Variants in LIN7A observed in about 807,000 individuals in gnomAD.
LIN7A encodes the protein protein lin-7 homolog A.
Under a neutral mutation model 29.8 loss-of-function variants are expected in LIN7A, and 25 were observed. That is an observed-to-expected ratio of 0.84 (90% CI 0.61 to 1.17). LIN7A has a LOEUF of 1.17. LIN7A is among the 50% of genes most tolerant of loss of function. The pLI is 0.00. For missense variants in LIN7A, 239 were observed against 287.0 expected (o/e 0.83, Z 1.21); for synonymous variants, 118 against 107.5 (o/e 1.10, Z -0.60).
chr12:80,886,675 G>A (rs758329815), intron 2 of LIN7A, among the ~76,000 whole-genome samples: 23 of 151,946 alleles, frequency 1.5e-4, no homozygotes, highest in Non-Finnish European at 2.9e-4. Context: ...AAAAATGTAA[G>A]GTAGATAAAT....
rs771827475 is a variant in LIN7A, at chr12:80,811,531, C to G, written c.636G>C (p.Gln212His). Residue 212 changes from glutamine to histidine, a missense_variant, in exon 5 of 6, where the codon CAG (glutamine) becomes CAC (histidine). Coordinates refer to ENST00000552864, the MANE Select transcript of LIN7A (RefSeq NM_004664.4). ...GTTGCTGCTGCTGAATTAGCAATTG[C>G]TGCTGCTGCCGACGCCTGGCTGTTC... is the stretch of plus-strand genomic sequence containing the variant. The part of the protein sequence containing the change: ...KLRTARRRQQ[Q>H]QLLIQQQQQQ... 6.2e-6 allele frequency: 10 copies of G among 1,611,072 alleles called. No individual in the cohort carries two copies. The African/African-American group carries it at 1.2e-4, about 19-fold the overall frequency.
intron 4 of LIN7A, among the ~76,000 whole-genome samples, chr12:80,839,856 C>T (rs1234733117): frequency 4.6e-5 from 7 of 152,208 alleles, no homozygotes; most frequent in Non-Finnish European, 5.9e-5. Flanking sequence ...AACTTTTATT[C>T]ACTCATCTGT....
chr12:80,856,189 C>T (rs182954528), intron 2 of LIN7A, among the ~76,000 whole-genome samples: 63 of 152,204 alleles, frequency 4.1e-4, no homozygotes, highest in Admixed American at 2.9e-3. Context: ...TCAAATCGAC[C>T]CAGTGAAAAT....
chr12:80,886,869 C>A (rs1336020072), intron 2 of LIN7A, among the ~76,000 whole-genome samples: 1 of 152,018 alleles, frequency 6.6e-6, no homozygotes, highest in East Asian at 1.9e-4. Flanking sequence ...TTTTCCTTAG[C>A]AAATTCTAAA....
At chr12:80,800,191 T>C (rs1870646814) in intron 5 of LIN7A, among the ~76,000 whole-genome samples, 1 of 151,920 alleles carries the variant, frequency 6.6e-6, no homozygotes, top group African/African-American at 2.4e-5. Context: ...GGACAATTCC[T>C]TGAAAGACAC....
At chr12:80,883,317 C>T (rs1011746290) in intron 2 of LIN7A, among the ~76,000 whole-genome samples, 4 of 152,268 alleles carry the variant, frequency 2.6e-5, no homozygotes, top group Middle Eastern at 3.4e-3. Flanking sequence ...ATTAAGTTTT[C>T]CTTCTATGTT....
At chr12:80,881,632 TA>T (rs1875043356) in intron 2 of LIN7A, among the ~76,000 whole-genome samples, 9 of 4,934 alleles carry the variant, frequency 1.8e-3, no homozygotes, top group African/African-American at 1.9e-3. Flanking sequence ...AGCTAAGTTA[TA>T]TATATATATA....
chr12:80,828,867 T>C (rs1275596143), intron 4 of LIN7A, among the ~76,000 whole-genome samples: 3 of 152,104 alleles, frequency 2.0e-5, no homozygotes, highest in African/African-American at 7.2e-5. Flanking sequence ...GCATGCTCAC[T>C]ACAATGGTGT....
At chr12:80,910,503 A>G (rs1308758631) in intron 1 of LIN7A, among the ~76,000 whole-genome samples, 1 of 152,162 alleles carries the variant, frequency 6.6e-6, no homozygotes, top group Non-Finnish European at 1.5e-5. Flanking sequence ...ATTAAGTATG[A>G]TATCTACTAT....
intron 2 of LIN7A, among the ~76,000 whole-genome samples, chr12:80,873,411 T>C (rs1874519465): frequency 6.6e-6 from 1 of 151,818 alleles, no homozygotes; most frequent in Non-Finnish European, 1.5e-5. Context: ...CACAAGCCTG[T>C]AGTTCTAACT....
intron 1 of LIN7A, chr12:80,936,298 C>T (rs1004217207): frequency 3.9e-5 from 6 of 152,562 alleles, no homozygotes; most frequent in African/African-American, 1.4e-4. Flanking sequence ...TCAACTCTTA[C>T]CCTAAGAAAG....
chr12:80,866,459 C>CT (rs1565907247), intron 2 of LIN7A, among the ~76,000 whole-genome samples: 1 of 151,912 alleles, frequency 6.6e-6, no homozygotes. Context: ...TCTGGATTTT[C>CT]TTTTTTAGTT....
At chr12:80,896,502 G>C (rs769848717) in intron 1 of LIN7A, among the ~76,000 whole-genome samples, 3 of 152,184 alleles carry the variant, frequency 2.0e-5, no homozygotes, top group Non-Finnish European at 4.4e-5. Flanking sequence ...AAAGGAAACT[G>C]TCAATTTAGA....
intron 2 of LIN7A, among the ~76,000 whole-genome samples, chr12:80,863,982 G>C (rs1241986713): frequency 6.6e-6 from 1 of 151,932 alleles, no homozygotes; most frequent in African/African-American, 2.4e-5. Context: ...AATGTATCTG[G>C]AATTTTGTTT....
intron 1 of LIN7A, among the ~76,000 whole-genome samples, chr12:80,914,556 C>A (rs1876934623): frequency 1.3e-5 from 2 of 152,188 alleles, no homozygotes; most frequent in Non-Finnish European, 2.9e-5. Flanking sequence ...TCAAAAGAAG[C>A]TTATTAATCT....
In LIN7A at chr12:80,892,715, C is replaced by T. The variant is rs577812601; in HGVS notation, c.83-3346G>A. On this transcript the variant is annotated intron_variant, in intron 1 of 5. Transcript: ENST00000552864. ...AGAGGCTTTAAAAAAACACAAATGC[C>T]TAGGTCGGTCCCACCTGGAGAATTT... 2.5e-3 allele frequency among the ~76,000 whole-genome samples: 376 copies of T among 152,186 alleles called. 3 individuals are homozygous for T. Among genetic ancestry groups the T allele is most frequent in the African/African-American group, 8.6e-3 (355 of 41,518 alleles).
chr12:80,928,869 G>A (rs1027303283), intron 1 of LIN7A, among the ~76,000 whole-genome samples: 1 of 151,218 alleles, frequency 6.6e-6, no homozygotes, highest in Non-Finnish European at 1.5e-5. Flanking sequence ...GTTAATTTTT[G>A]TATTGTATTG....
At chr12:80,921,547 A>G (rs1421769125) in intron 1 of LIN7A, among the ~76,000 whole-genome samples, 14 of 144,864 alleles carry the variant, frequency 9.7e-5, no homozygotes, top group African/African-American at 3.5e-4. Context: ...AGTGAGCACA[A>G]AGGCGTTGGG....
chr12:80,802,047 A>C (rs1280039182), intron 5 of LIN7A, among the ~76,000 whole-genome samples: 2 of 151,790 alleles, frequency 1.3e-5, no homozygotes, highest in African/African-American at 4.8e-5. Flanking sequence ...GAGGTGCACC[A>C]CCACACCTGG....
Sources: allele counts gnomAD v4.1 joint callset (sites outside exome capture counted in the v4.1 genomes callset), GRCh38; gene constraint gnomAD v4.1.1; transcripts MANE v1.5; gene names NCBI Gene and HGNC (gene_info 2026-07-23, HGNC 2026-07-21).